ASPH: variants seen among roughly 807,000 people sequenced by gnomAD.
ASPH encodes the protein aspartyl/asparaginyl beta-hydroxylase.
A neutral mutation model predicts 118.4 loss-of-function variants in ASPH; 100 were observed. That is an observed-to-expected ratio of 0.84 (90% CI 0.72 to 1.00). ASPH has a LOEUF of 1.00. Among genes scored for constraint, ASPH ranks in the 50% least tolerant of loss-of-function variants. The probability of loss-of-function intolerance (pLI) is 0.00; values close to 1 mark genes in which losing one functional copy is unlikely to be tolerated. For synonymous variants in ASPH, 315 were observed against 325.6 expected, an observed-to-expected ratio of 0.97 and a Z score of 0.35; for missense variants, 920 against 919.5, an observed-to-expected ratio of 1.00 and a Z score of -0.01.
chr8:61,704,956 C>T (rs998082388), intron 1 of ASPH, among the ~76,000 whole-genome samples: 1 of 152,122 alleles, frequency 6.6e-6, no homozygotes, highest in Non-Finnish European at 1.5e-5. Context: ...CCCTATAGCC[C>T]AGTAATCCCT....
chr8:61,660,896 T>G (rs1385265731), intron 3 of ASPH: 1 of 152,130 alleles, frequency 6.6e-6, no homozygotes, highest in Non-Finnish European at 1.5e-5. Flanking sequence ...CTGAAGACCA[T>G]AAAATCTCAT....
rs1804806001 is a variant in ASPH, at chr8:61,501,028, A to T, written c.*2331T>A. On this transcript the variant is annotated 3_prime_UTR_variant, in exon 25 of 25. Transcript: ENST00000379454. ...AACAGAAGTAATTTTTATATTATAC[A>T]CTTGGAGAAATAAAGTTGAAACAGA... The T allele has an allele frequency of 6.6e-6, 1 of 152,222 alleles. No homozygotes were observed. The highest frequency in any genetic ancestry group is 6.5e-5 in the Admixed American group (1 of 15,278). 9.4% of individuals were successfully genotyped at this position (152,222 alleles called of 1,614,324 possible). A position where few individuals can be genotyped will look rare whatever the true frequency, so the allele number is the denominator to read the frequency against.
At chr8:61,570,213 T>C (rs111267439) in intron 16 of ASPH, among the ~76,000 whole-genome samples, 3,376 of 152,332 alleles carry the variant, frequency 0.022, 50 homozygotes, top group South Asian at 0.066. Flanking sequence ...ATATAGCCTA[T>C]TTTATAATAA....
chr8:61,559,530 C>T (rs1204871149), intron 18 of ASPH, among the ~76,000 whole-genome samples: 1 of 152,084 alleles, frequency 6.6e-6, no homozygotes, highest in Admixed American at 6.5e-5. Flanking sequence ...CTCATACAGC[C>T]GACATTTCTA....
intron 14 of ASPH, among the ~76,000 whole-genome samples, chr8:61,614,447 GT>G (rs1361007986): frequency 6.6e-6 from 1 of 152,142 alleles, no homozygotes; most frequent in Non-Finnish European, 1.5e-5. Flanking sequence ...ACATTTTTGT[GT>G]TCAGTGAATT....
At chr8:61,710,639 C>T (rs114790244) in intron 1 of ASPH, among the ~76,000 whole-genome samples, 10 of 152,162 alleles carry the variant, frequency 6.6e-5, no homozygotes, top group Non-Finnish European at 4.4e-5. Flanking sequence ...GAACTGAACA[C>T]AAAATAGCTG....
chr8:61,604,220 A>C (rs937720042), intron 14 of ASPH, among the ~76,000 whole-genome samples: 8 of 152,182 alleles, frequency 5.3e-5, no homozygotes, highest in African/African-American at 9.7e-5. Flanking sequence ...ACATATATGC[A>C]GAAAGGCAAA....
chr8:61,616,374 G>A (rs1849042516), intron 14 of ASPH, among the ~76,000 whole-genome samples: 1 of 152,194 alleles, frequency 6.6e-6, no homozygotes, highest in Non-Finnish European at 1.5e-5. Context: ...ACTGCCCTGT[G>A]AGCAGCAGAT....
At chr8:61,697,016 T>C (rs781659820) in intron 1 of ASPH, among the ~76,000 whole-genome samples, 3 of 152,166 alleles carry the variant, frequency 2.0e-5, no homozygotes, top group Non-Finnish European at 4.4e-5. Flanking sequence ...AAAAGATCCA[T>C]GGCCCTCCTC....
chr8:61,703,962 G>A (rs565607934), intron 1 of ASPH, among the ~76,000 whole-genome samples: 3 of 151,958 alleles, frequency 2.0e-5, no homozygotes, highest in Admixed American at 6.6e-5. Flanking sequence ...TTGGGAGGCC[G>A]AGGCGGGCGG....
At chr8:61,526,546 G>T (rs1815413374) in intron 21 of ASPH, among the ~76,000 whole-genome samples, 1 of 152,122 alleles carries the variant, frequency 6.6e-6, no homozygotes, top group Non-Finnish European at 1.5e-5. Flanking sequence ...TCACAAAGAT[G>T]CCATTAAAGA....
chr8:61,542,933 T>C (rs1822485731), intron 21 of ASPH, among the ~76,000 whole-genome samples: 1 of 152,234 alleles, frequency 6.6e-6, no homozygotes, highest in South Asian at 2.1e-4. Flanking sequence ...TGATGACAAG[T>C]TGGCTGTTCA....
chr8:61,662,528 G>A (rs1817428986), intron 3 of ASPH, among the ~76,000 whole-genome samples: 1 of 152,162 alleles, frequency 6.6e-6, no homozygotes, highest in Admixed American at 6.5e-5. Context: ...AATAAAAAGT[G>A]TAAAACTGAG....
At chr8:61,621,328 A>G (rs1850841388) in intron 13 of ASPH, among the ~76,000 whole-genome samples, 1 of 107,492 alleles carries the variant, frequency 9.3e-6, no homozygotes, top group Non-Finnish European at 1.9e-5. Flanking sequence ...TGAGCAAAAA[A>G]AAAAAAAGAA....
intron 24 of ASPH, among the ~76,000 whole-genome samples, chr8:61,504,102 C>T (rs922870952): frequency 6.6e-6 from 1 of 152,090 alleles, no homozygotes; most frequent in Non-Finnish European, 1.5e-5. Flanking sequence ...TATTTTAAAT[C>T]AATGCTGCAA....
chr8:61,625,083 C>T, intron 13 of ASPH: 1 of 985,746 alleles, frequency 1.0e-6, no homozygotes, highest in Non-Finnish European at 1.2e-6. Context: ...AGAGCTACCC[C>T]TAATATATCG....
intron 21 of ASPH, among the ~76,000 whole-genome samples, chr8:61,544,002 C>T (rs1822907283): frequency 6.6e-6 from 1 of 152,118 alleles, no homozygotes; most frequent in Admixed American, 6.5e-5. Flanking sequence ...TGCAGCTTTC[C>T]AGGTAGAAAG....
At chr8:61,628,437 G>A in intron 13 of ASPH, 1 of 291,616 alleles carries the variant, frequency 3.4e-6, no homozygotes, top group Non-Finnish European at 6.6e-6. Context: ...CCAAAGTGCT[G>A]ACACTACATG....
chr8:61,561,177 C>A (rs1369889229), intron 18 of ASPH, among the ~76,000 whole-genome samples: 1 of 149,216 alleles, frequency 6.7e-6, no homozygotes, highest in Non-Finnish European at 1.5e-5. Flanking sequence ...ATTTTTGTGG[C>A]CTCTGACAGT....
Sources: allele counts gnomAD v4.1 joint callset (sites outside exome capture counted in the v4.1 genomes callset), GRCh38; gene constraint gnomAD v4.1.1; transcripts MANE v1.5; gene names NCBI Gene and HGNC (gene_info 2026-07-23, HGNC 2026-07-21).